The following MYT1L variants were observed in gnomAD, a reference collection of about 807,000 sequenced individuals.
MYT1L encodes myelin transcription factor 1 like.
Under a neutral mutation model 126.7 loss-of-function variants are expected in MYT1L, and 12 were observed. The ratio of observed to expected loss-of-function variants is 0.09; its 90% CI spans 0.06 to 0.15. The LOEUF is 0.15. Ranked by LOEUF, MYT1L falls within the 10% of genes least tolerant of loss-of-function variation. MYT1L has a pLI of 1.00. For missense variants in MYT1L, 979 were observed against 1,585.2 expected, an observed-to-expected ratio of 0.62 and a Z score of 6.49; for synonymous variants, 541 against 604.2, an observed-to-expected ratio of 0.90 and a Z score of 1.53.
At chr2:1,800,018 T>C (rs541937600) in intron 23 of MYT1L, 1 of 152,250 alleles carries the variant, frequency 6.6e-6, no homozygotes, top group African/African-American at 2.4e-5. Context: ...TGTGGAACTG[T>C]GAGTCCATTA....
chr2:1,906,959 A>T (rs1002857265), intron 13 of MYT1L, among the ~76,000 whole-genome samples: 23 of 151,158 alleles, frequency 1.5e-4, no homozygotes, highest in African/African-American at 4.8e-4. Context: ...TAATAAAAAA[A>T]ATATTAGCCA....
At chr2:1,885,569 G>A (rs2048067843) in intron 18 of MYT1L, 1 of 152,676 alleles carries the variant, frequency 6.5e-6, no homozygotes, top group African/African-American at 2.4e-5. Context: ...AGGGTCCTCG[G>A]ATGCCGAGGT....
intron 18 of MYT1L, chr2:1,885,498 TAA>T (rs1207362540): frequency 6.6e-6 from 1 of 152,628 alleles, no homozygotes; most frequent in Non-Finnish European, 1.5e-5. Flanking sequence ...AGGGATCCTG[TAA>T]AAGATGACAT....
At chr2:1,830,539 C>T (rs1187890726) in intron 21 of MYT1L, among the ~76,000 whole-genome samples, 1 of 151,996 alleles carries the variant, frequency 6.6e-6, no homozygotes, top group East Asian at 1.9e-4. Context: ...GTTCTCGGCA[C>T]CCGGAAGGGC....
chr2:2,211,516 T>G (rs1486751708), intron 2 of MYT1L, among the ~76,000 whole-genome samples: 1 of 152,114 alleles, frequency 6.6e-6, no homozygotes, highest in Non-Finnish European at 1.5e-5. Flanking sequence ...TCTTTAAGAC[T>G]GACAACTCTG....
At chr2:2,012,727 C>T (rs574534507) in intron 4 of MYT1L, among the ~76,000 whole-genome samples, 2 of 152,156 alleles carry the variant, frequency 1.3e-5, no homozygotes, top group South Asian at 2.1e-4. Flanking sequence ...ATGAATCATT[C>T]CTTTGTCCAG....
intron 5 of MYT1L, among the ~76,000 whole-genome samples, chr2:1,989,741 A>G (rs1439124323): frequency 6.6e-6 from 1 of 152,132 alleles, no homozygotes; most frequent in Non-Finnish European, 1.5e-5. Context: ...TCACACCTGT[A>G]ATCCCAGCAC....
chr2:1,890,984 T>C (rs2048794438), intron 15 of MYT1L, among the ~76,000 whole-genome samples: 1 of 152,028 alleles, frequency 6.6e-6, no homozygotes, highest in Non-Finnish European at 1.5e-5. Flanking sequence ...CAACAAAATT[T>C]GGAAGGGGTC....
chr2:2,032,231 G>C (rs1392001526), intron 4 of MYT1L, among the ~76,000 whole-genome samples: 28 of 75,220 alleles, frequency 3.7e-4, no homozygotes, highest in South Asian at 7.2e-4. Context: ...ACACACCCTC[G>C]CCAGTGCCTC....
intron 19 of MYT1L, 142 bp from the exon 20 acceptor site, chr2:1,840,985 G>A: frequency 1.7e-6 from 1 of 589,926 alleles, no homozygotes; most frequent in Non-Finnish European, 2.9e-6. Flanking sequence ...CTCACTGCAA[G>A]CTCCGCCTCC....
chr2:1,997,953 GT>G, intron 4 of MYT1L, among the ~76,000 whole-genome samples: 1 of 152,318 alleles, frequency 6.6e-6, no homozygotes, highest in East Asian at 1.9e-4. Context: ...TACTCAGAGA[GT>G]ATCAGAGAGT....
intron 1 of MYT1L, chr2:2,324,037 G>C (rs751366653): frequency 6.6e-6 from 1 of 152,124 alleles, no homozygotes; most frequent in African/African-American, 2.4e-5. Context: ...ACACGAAGAC[G>C]GATCAAGCCG....
At chr2:2,002,885 C>G (rs1297358747) in intron 4 of MYT1L, among the ~76,000 whole-genome samples, 1 of 152,124 alleles carries the variant, frequency 6.6e-6, no homozygotes, top group African/African-American at 2.4e-5. Flanking sequence ...ACTTCTCCTT[C>G]CTGCCACCTT....
chr2:2,067,989 C>T (rs1241051919), intron 3 of MYT1L, among the ~76,000 whole-genome samples: 2 of 152,062 alleles, frequency 1.3e-5, no homozygotes, highest in Non-Finnish European at 1.5e-5. Flanking sequence ...CGTTTAATTA[C>T]AATGTTTTTT....
chr2:1,877,923 A>G (rs1459847318), intron 18 of MYT1L, among the ~76,000 whole-genome samples: 4 of 152,222 alleles, frequency 2.6e-5, no homozygotes, highest in African/African-American at 9.6e-5. Flanking sequence ...TAATTAATGC[A>G]TCAGCAAGCT....
rs183800455 is a variant in MYT1L at position 2,026,451 on chromosome 2, G to A, written c.-158+27527C>T. Among the ~76,000 whole-genome samples the A allele has an allele frequency of 6.8e-3, 1,038 of 152,314 alleles. 8 individuals are homozygous for A. The highest frequency in any genetic ancestry group is 9.2e-3 in the Non-Finnish European group (623 of 68,022). On this transcript the variant is annotated intron_variant, in intron 4 of 24. Transcript: ENST00000647738. ...GATTCTAGCAGGGGTGGCCCGGGCC[G>A]AGGGAGGCCCAACTGTTCCGCAGAC... is the stretch of plus-strand genomic sequence containing the variant.
intron 21 of MYT1L, chr2:1,816,071 C>A (rs1250591831): frequency 2.0e-5 from 3 of 152,226 alleles, no homozygotes; most frequent in African/African-American, 4.8e-5. Flanking sequence ...TCTCAAGCGA[C>A]CCTCCTGCCT....
At chr2:2,311,784 G>C (rs1411300152) in intron 1 of MYT1L, among the ~76,000 whole-genome samples, 1 of 152,162 alleles carries the variant, frequency 6.6e-6, no homozygotes, top group Non-Finnish European at 1.5e-5. Context: ...CCAAAACCTT[G>C]TATATTTGGC....
intron 2 of MYT1L, among the ~76,000 whole-genome samples, chr2:2,197,102 T>G (rs956291792): frequency 6.6e-6 from 1 of 152,184 alleles, no homozygotes; most frequent in African/African-American, 2.4e-5. Flanking sequence ...TTTTTGAATG[T>G]TGGTTAGGGA....
Sources: gnomAD v4.1 joint callset for allele counts (sites outside exome capture counted in the v4.1 genomes callset) on GRCh38, gnomAD v4.1.1 for gene constraint, MANE v1.5 for transcripts, NCBI Gene and HGNC (gene_info 2026-07-23, HGNC 2026-07-21) for gene names.